Variants in CDH13 observed in about 807,000 individuals in gnomAD.
The protein encoded by CDH13 is cadherin-13.
A neutral mutation model predicts 63.8 loss-of-function variants in CDH13; 24 were observed. That is an observed-to-expected ratio of 0.38 (90% CI 0.27 to 0.53). The LOEUF (loss-of-function observed/expected upper bound fraction) is 0.53, where lower values mean the gene tolerates loss of function less well. Ranked by LOEUF, CDH13 falls within the 20% of genes least tolerant of loss-of-function variation. CDH13 has a pLI of 0.85. For missense variants in CDH13, 1,049 were observed against 903.1 expected, an observed-to-expected ratio of 1.16 and a Z score of -2.07; for synonymous variants, 503 against 355.3, an observed-to-expected ratio of 1.42 and a Z score of -4.67.
At chr16:82,753,390 C>T (rs186394276) in intron 1 of CDH13, among the ~76,000 whole-genome samples, 69 of 152,140 alleles carry the variant, frequency 4.5e-4, no homozygotes, top group African/African-American at 1.6e-3. Context: ...CCCCTTAACC[C>T]CTAACTGGGG....
intron 3 of CDH13, among the ~76,000 whole-genome samples, chr16:83,049,429 G>A (rs1443845045): frequency 6.7e-6 from 1 of 150,100 alleles, no homozygotes; most frequent in South Asian, 2.1e-4. Context: ...CCACCTCCTG[G>A]GTTCAGGCCA....
At chr16:83,255,941 T>C (rs1485099526) in intron 5 of CDH13, among the ~76,000 whole-genome samples, 1 of 152,174 alleles carries the variant, frequency 6.6e-6, no homozygotes, top group African/African-American at 2.4e-5. Context: ...AGTTGGCAGC[T>C]TGATTATGGT....
At chr16:83,622,838 T>C (rs1415748403) in intron 8 of CDH13, among the ~76,000 whole-genome samples, 1 of 152,212 alleles carries the variant, frequency 6.6e-6, no homozygotes, top group African/African-American at 2.4e-5. Flanking sequence ...GCCTCAGCTT[T>C]TTGGTTCATG....
At chr16:83,518,376 A>T (rs2074748310) in intron 7 of CDH13, among the ~76,000 whole-genome samples, 2 of 151,184 alleles carry the variant, frequency 1.3e-5, no homozygotes, top group African/African-American at 4.9e-5. Flanking sequence ...CGATCTCCTG[A>T]CCTTGTGATC....
chr16:83,075,031 G>A (rs568361359), intron 3 of CDH13, among the ~76,000 whole-genome samples: 1 of 152,280 alleles, frequency 6.6e-6, no homozygotes, highest in African/African-American at 2.4e-5. Context: ...CAGCCAATGA[G>A]GGGTAAGATC....
intron 1 of CDH13, among the ~76,000 whole-genome samples, chr16:82,793,559 T>C (rs1490853136): frequency 2.0e-5 from 3 of 152,198 alleles, no homozygotes; most frequent in African/African-American, 7.2e-5. Flanking sequence ...CATGTCAGTC[T>C]GCCGTGTGCT....
intron 9 of CDH13, among the ~76,000 whole-genome samples, chr16:83,675,690 G>A (rs8058107): frequency 7.4e-4 from 112 of 152,226 alleles, no homozygotes; most frequent in Non-Finnish European, 1.3e-3. Context: ...TGAGACTTCA[G>A]GGGAGGCAGT....
intron 2 of CDH13, among the ~76,000 whole-genome samples, chr16:82,880,579 C>A (rs764640615): frequency 1.3e-5 from 2 of 152,270 alleles, no homozygotes; most frequent in African/African-American, 4.8e-5. Context: ...ATAATACTTG[C>A]TTGGTTGATT....
intron 1 of CDH13, among the ~76,000 whole-genome samples, chr16:82,687,543 C>A (rs1358189987): frequency 6.6e-6 from 1 of 152,102 alleles, no homozygotes; most frequent in Non-Finnish European, 1.5e-5. Flanking sequence ...CAAGAGAGAG[C>A]ATGTGCAGGG....
At chr16:83,752,891 C>T (rs947161819) in intron 11 of CDH13, among the ~76,000 whole-genome samples, 1 of 152,176 alleles carries the variant, frequency 6.6e-6, no homozygotes, top group Non-Finnish European at 1.5e-5. Context: ...AGAATAGAGC[C>T]AGGAATGATC....
intron 1 of CDH13, chr16:82,829,628 G>C (rs139578315): frequency 6.6e-6 from 1 of 152,014 alleles, no homozygotes; most frequent in South Asian, 2.1e-4. Context: ...ATGAAATTCC[G>C]TTCCTTCTTA....
chr16:83,411,722 C>G (rs1251986913), intron 6 of CDH13, among the ~76,000 whole-genome samples: 3 of 152,090 alleles, frequency 2.0e-5, no homozygotes, highest in Admixed American at 6.6e-5. Flanking sequence ...CAGTGTTTCA[C>G]ACAGAGTAGG....
chr16:82,983,143 T>C (rs371039559), intron 2 of CDH13, among the ~76,000 whole-genome samples: 1 of 152,176 alleles, frequency 6.6e-6, no homozygotes, highest in African/African-American at 2.4e-5. Flanking sequence ...TTTCTGGGAA[T>C]CTTCAAACTC....
At chr16:82,669,659 G>C (rs1459386523) in intron 1 of CDH13, among the ~76,000 whole-genome samples, 2 of 152,222 alleles carry the variant, frequency 1.3e-5, no homozygotes, top group Non-Finnish European at 2.9e-5. Flanking sequence ...TTAAGATGCT[G>C]TTTCTTCTCT....
chr16:83,664,632 C>T (rs986317550), intron 8 of CDH13, among the ~76,000 whole-genome samples: 2 of 151,790 alleles, frequency 1.3e-5, no homozygotes, highest in African/African-American at 4.8e-5. Context: ...CTTCTAAGAA[C>T]TTTACTGTTT....
At chr16:82,875,936 G>C (rs1197038894) in intron 2 of CDH13, among the ~76,000 whole-genome samples, 1 of 152,188 alleles carries the variant, frequency 6.6e-6, no homozygotes, top group Non-Finnish European at 1.5e-5. Flanking sequence ...TGAGTGGGGA[G>C]GCCTCACAAT....
chr16:83,475,331 G>A (rs191675807), intron 6 of CDH13, among the ~76,000 whole-genome samples: 93 of 152,294 alleles, frequency 6.1e-4, no homozygotes, highest in African/African-American at 2.1e-3. Context: ...GAGTCAGCAT[G>A]TGAGTTTGCA....
At chr16:82,780,657 A>C (rs2035713053) in intron 1 of CDH13, among the ~76,000 whole-genome samples, 2 of 152,350 alleles carry the variant, frequency 1.3e-5, no homozygotes, top group South Asian at 4.1e-4. Context: ...TTCATGGTTT[A>C]ATAAACTTAC....
At chr16:83,437,859 G>T (rs952373735) in intron 6 of CDH13, among the ~76,000 whole-genome samples, 2 of 152,088 alleles carry the variant, frequency 1.3e-5, no homozygotes, top group African/African-American at 4.8e-5. Context: ...AGGAGAAAAA[G>T]CAAATAAAGA....
Sources: allele counts gnomAD v4.1 joint callset (sites outside exome capture counted in the v4.1 genomes callset), GRCh38; gene constraint gnomAD v4.1.1; transcripts MANE v1.5; gene names NCBI Gene and HGNC (gene_info 2026-07-23, HGNC 2026-07-21).